Variants in PCDHA3 observed in about 807,000 individuals in gnomAD.
PCDHA3 encodes protocadherin alpha 3, also known as protocadherin alpha-3.
Under a neutral mutation model 62.2 loss-of-function variants are expected in PCDHA3, and 41 were observed. The observed-to-expected ratio is 0.66, with a 90% CI of 0.51 to 0.86. The LOEUF is 0.86. PCDHA3 is among the 40% of genes least tolerant of loss of function. The pLI is 0.00. For missense variants in PCDHA3, 1,304 were observed against 1,241.2 expected (o/e 1.05, Z -0.76); for synonymous variants, 640 against 555.4 (o/e 1.15, Z -2.14).
At chr5:140,836,782 A>G in intron 1 of PCDHA3, 2 of 1,475,536 alleles carry the variant, frequency 1.4e-6, no homozygotes, top group South Asian at 1.3e-5. Flanking sequence ...TAAAACAATT[A>G]GTTCAATTGG....
chr5:140,862,658 G>A (rs547936781), intron 1 of PCDHA3: 19 of 545,608 alleles, frequency 3.5e-5, no homozygotes, highest in Admixed American at 1.9e-4. Flanking sequence ...GCGCGGGACC[G>A]GGACGCGCAG....
At chr5:140,900,489 C>G (rs1429058590) in intron 1 of PCDHA3, among the ~76,000 whole-genome samples, 8 of 152,196 alleles carry the variant, frequency 5.3e-5, no homozygotes, top group African/African-American at 1.7e-4. Context: ...GTTGGTCAGA[C>G]TGGTCTCAAA....
intron 1 of PCDHA3, among the ~76,000 whole-genome samples, chr5:140,873,504 T>TTTTTTTTTTTTTTTTTTTTTTTGAG: frequency 6.6e-6 from 1 of 152,256 alleles, no homozygotes; most frequent in South Asian, 2.1e-4. Context: ...TTGTGTCTTT[T>TTTTTTTTTTTTTTTTTTTTTTTGAG]ATACTTAATG....
chr5:140,858,537 C>T (rs1485044907), intron 1 of PCDHA3: 2 of 1,400,036 alleles, frequency 1.4e-6, no homozygotes, highest in Non-Finnish European at 2.0e-6. Flanking sequence ...TTTTTGTCTA[C>T]ATTCCATTTA....
In PCDHA3 at chr5:140,801,416, C is replaced by T; in HGVS notation, c.219C>T (p.Asp73=). ...GGGTGGCGTCCAAAAGACACGGGGA[C>T]CTTCTGGAGGTAAATCTGCAGAATG... is the stretch of plus-strand genomic sequence containing the variant. ...LFRVASKRHG[D]LLEVNLQNGI... The change falls in exon 1 of 4, where the codon GAC becomes GAT. Residue 73 remains aspartate, a synonymous_variant. Coordinates refer to ENST00000522353, the MANE Select transcript of PCDHA3 (RefSeq NM_018906.3). The T allele has an allele frequency of 1.2e-6, 2 of 1,613,778 alleles. No homozygotes were observed. The highest frequency in any genetic ancestry group is 1.7e-4 in the Middle Eastern group (1 of 5,752).
At position 140,802,903 on chromosome 5, in the gene PCDHA3, G is replaced by A; in HGVS notation, c.1706G>A (p.Arg569Gln). Reference sequence around the variant, plus strand: ...AACGCGCCGGCACTGCTGATGCCTCGGGTGGGTGGCATCGGTGGCGCAGTG... The same window carrying A: ...AACGCGCCGGCACTGCTGATGCCTCAGGTGGGTGGCATCGGTGGCGCAGTG... ...NDNAPALLMP[R>Q]VGGIGGAVSE... The change falls in exon 1 of 4, where the codon CGG (arginine) becomes CAG (glutamine). Residue 569 changes from arginine to glutamine, a missense_variant. Arg to Gln is a conservative substitution (Grantham distance 43). Coordinates refer to ENST00000522353, the MANE Select transcript of PCDHA3 (RefSeq NM_018906.3). 1.2e-6 allele frequency: 2 copies of A among 1,613,792 alleles called. No individual in the cohort carries two copies. The highest frequency in any genetic ancestry group is 1.1e-5 in the South Asian group (1 of 91,072).
intron 1 of PCDHA3, chr5:140,807,296 G>T: frequency 6.2e-7 from 1 of 1,614,180 alleles, no homozygotes; most frequent in Non-Finnish European, 8.5e-7. Context: ...CTCGGTCTCC[G>T]AGGAGGCCAA....
In PCDHA3 at chr5:140,822,226, T is replaced by A. The variant is rs2150114732; in HGVS notation, c.2394+18635T>A. 1.2e-5 allele frequency: 19 copies of A among 1,614,276 alleles called. No homozygotes were observed. In the South Asian group the frequency reaches 2.1e-4, roughly 18 times the overall value. On this transcript the variant is annotated intron_variant, in intron 1 of 3. Coordinates refer to ENST00000522353, the MANE Select transcript of PCDHA3 (RefSeq NM_018906.3). The stretch of plus-strand genomic sequence containing the variant: ...AGAGTCAAGAATGCCAGATTCGCGG[T>A]TTCCGCTAGAGGGCGCGTCGGATTT...
chr5:140,973,481 G>A (rs537904841), intron 1 of PCDHA3, among the ~76,000 whole-genome samples: 2 of 152,208 alleles, frequency 1.3e-5, no homozygotes, highest in East Asian at 3.9e-4. Context: ...ATTTCATATT[G>A]GTCACAGGAC....
rs2150153132 is a variant in PCDHA3, at chr5:140,828,254, G to A, written c.2394+24663G>A. ...CCGGATCGCGCAGGACCTGGGGCTG[G>A]AGCTGGCGGAGCTGGTGCCGCGCCT... On this transcript the variant is annotated intron_variant, in intron 1 of 3. Transcript: ENST00000522353. 5 of 1,613,996 alleles carry A rather than the reference G, an allele frequency of 3.1e-6. No homozygotes were observed. In the Admixed American group the frequency reaches 8.3e-5, roughly 27 times the overall value.
At chr5:140,985,936 T>C (rs1379150817) in intron 3 of PCDHA3, among the ~76,000 whole-genome samples, 3 of 152,038 alleles carry the variant, frequency 2.0e-5, no homozygotes, top group Non-Finnish European at 2.9e-5. Context: ...AGCCGGGGTT[T>C]CACTGTGTTA....
At chr5:140,824,021 A>C (rs1767971834) in intron 1 of PCDHA3, 11 of 1,613,948 alleles carry the variant, frequency 6.8e-6, no homozygotes, top group Non-Finnish European at 9.3e-6. Context: ...AGCTGGTCGT[A>C]CTCGCAGCAG....
At chr5:140,813,683 A>G (rs1231151598) in intron 1 of PCDHA3, 1 of 152,322 alleles carries the variant, frequency 6.6e-6, no homozygotes, top group South Asian at 2.1e-4. Context: ...TTTAGGCTAC[A>G]CTCAATTTAT....
intron 1 of PCDHA3, among the ~76,000 whole-genome samples, chr5:140,900,465 C>T (rs936722061): frequency 1.3e-5 from 2 of 152,156 alleles, no homozygotes; most frequent in Admixed American, 1.3e-4. Context: ...TTAGTAGACA[C>T]GGAGTTTCTC....
rs563698448 is a variant in PCDHA3 at position 140,899,116 on chromosome 5, T to G, written c.2395-79833T>G. On this transcript the variant is annotated intron_variant, in intron 1 of 3. Transcript: ENST00000522353. ...CTGAGATAATGGGGTTTTCTAGATA[T>G]ACAATCATGTCTTCTGCAAACAGGG... 5.8e-3 allele frequency among the ~76,000 whole-genome samples: 880 copies of G among 152,244 alleles called. 11 individuals are homozygous for G. Among genetic ancestry groups the G allele is most frequent in the African/African-American group, 0.019 (802 of 41,486 alleles).
chr5:141,010,201 C>A lies in PCDHA3; in HGVS notation c.*264C>A, dbSNP rs782495760. On this transcript the variant is annotated 3_prime_UTR_variant, in exon 4 of 4. Transcript: ENST00000522353. ...GCAGACCCAAGTTTCCTTTCTCCTC[C>A]GCCGCAAAGGAGAGGCTTCCCAGCC... 5.0e-5 allele frequency: 77 copies of A among 1,551,916 alleles called. No individual in the cohort carries two copies. The highest frequency in any genetic ancestry group is 6.1e-5 in the Non-Finnish European group (70 of 1,147,084).
chr5:140,836,931 A>G (rs1774819747), intron 1 of PCDHA3: 4 of 485,440 alleles, frequency 8.2e-6, no homozygotes, highest in South Asian at 4.0e-5. Context: ...GATGCGTAAT[A>G]CTATAGATCA....
chr5:140,905,809 A>C (rs1349964349), intron 1 of PCDHA3, among the ~76,000 whole-genome samples: 1 of 152,184 alleles, frequency 6.6e-6, no homozygotes, highest in East Asian at 1.9e-4. Context: ...GGACAGAATT[A>C]ATAGGCTAGA....
chr5:140,919,207 T>C (rs1554198972), intron 1 of PCDHA3, among the ~76,000 whole-genome samples: 1 of 152,222 alleles, frequency 6.6e-6, no homozygotes, highest in Non-Finnish European at 1.5e-5. Context: ...CATTATAAAA[T>C]GTCCTTCTTG....
Sources: gnomAD v4.1 joint callset for allele counts (sites outside exome capture counted in the v4.1 genomes callset) on GRCh38, gnomAD v4.1.1 for gene constraint, MANE v1.5 for transcripts, NCBI Gene and HGNC (gene_info 2026-07-23, HGNC 2026-07-21) for gene names.